Variants in RPH3A observed in about 807,000 individuals in gnomAD.
The protein encoded by RPH3A is rabphilin-3A.
In RPH3A, 48 loss-of-function variants were observed where a neutral mutation model predicts 102.2. The observed-to-expected ratio is 0.47, with a 90% CI of 0.37 to 0.60. The LOEUF (loss-of-function observed/expected upper bound fraction) is 0.60, where lower values mean the gene tolerates loss of function less well. Ranked by LOEUF, RPH3A falls within the 20% of genes least tolerant of loss-of-function variation. The pLI, the probability that RPH3A is intolerant of heterozygous loss-of-function variation, is 0.00. For synonymous variants in RPH3A, 310 were observed against 324.3 expected (o/e 0.96, Z 0.47); for missense variants, 781 against 910.1 (o/e 0.86, Z 1.83).
chr12:112,810,318 G>C (rs1434712665), intron 2 of RPH3A, among the ~76,000 whole-genome samples: 1 of 152,172 alleles, frequency 6.6e-6, no homozygotes, highest in Non-Finnish European at 1.5e-5. Flanking sequence ...CAGCCTGGCT[G>C]GGGATGAACC....
At chr12:112,662,336 A>G (rs1218977293) in intron 1 of RPH3A, among the ~76,000 whole-genome samples, 1 of 152,192 alleles carries the variant, frequency 6.6e-6, no homozygotes, top group East Asian at 1.9e-4. Flanking sequence ...AAGTTTTAGC[A>G]TGAGATACAT....
intron 1 of RPH3A, among the ~76,000 whole-genome samples, chr12:112,599,947 G>A (rs112028735): frequency 7.2e-5 from 11 of 152,264 alleles, no homozygotes; most frequent in African/African-American, 2.6e-4. Context: ...CAGCCTTCTG[G>A]AGTGCATCAC....
Position 112,732,361 on chromosome 12 carries a change from C to T in RPH3A, c.-139-59782C>T, listed in dbSNP as rs149339274. ...TCCAACACACTTGGGCTGGCATCCC[C>T]GCTCTCCATTTGCTAGCCATGTGAT... On this transcript the variant is annotated intron_variant, in intron 1 of 21. Transcript: ENST00000543106. Among the ~76,000 whole-genome samples the T allele has an allele frequency of 6.6e-5, 10 of 152,292 alleles. No homozygotes were observed. In the East Asian group the frequency reaches 1.2e-3, roughly 18 times the overall value.
rs1436388382 is a variant in RPH3A at position 112,865,532 on chromosome 12, G to A, written c.349G>A (p.Asp117Asn). 1 of 1,613,654 alleles carries A rather than the reference G, an allele frequency of 6.2e-7. No individual in the cohort carries two copies. The highest frequency in any genetic ancestry group is 8.5e-7 in the Non-Finnish European group (1 of 1,179,928). The change falls in exon 6 of 22, where the codon GAC becomes AAC. Residue 117 changes from aspartate to asparagine, a missense_variant. Asp to Asn is a conservative substitution (Grantham distance 23). This residue lies in a region of RPH3A where 730 missense variants were observed against 810.0 expected (regional missense o/e 0.90). Transcript: ENST00000389385. ...MLGSACVVCEDCKKNVCTKCG... is the reference protein window; with the variant it reads ...MLGSACVVCENCKKNVCTKCG... ...GGGCTCTGCCTGTGTAGTATGTGAG[G>A]ACTGTAAGAAGGTATCATCATCCTC...
At chr12:112,679,190 G>A (rs980612898) in intron 1 of RPH3A, among the ~76,000 whole-genome samples, 8 of 151,902 alleles carry the variant, frequency 5.3e-5, no homozygotes, top group African/African-American at 1.7e-4. Context: ...GTCTCATTCT[G>A]TTGCCCAGGC....
chr12:112,638,500 C>T (rs1275020733), intron 1 of RPH3A, among the ~76,000 whole-genome samples: 5 of 152,110 alleles, frequency 3.3e-5, no homozygotes, highest in African/African-American at 1.2e-4. Flanking sequence ...TCTAATCAAC[C>T]CTTAATCTAG....
chr12:112,789,471 C>CTGATTTT (rs1555208789), upstream of RPH3A, among the ~76,000 whole-genome samples: 1 of 152,286 alleles, frequency 6.6e-6, no homozygotes. Flanking sequence ...TGGAATCATA[C>CTGATTTT]GACACTGAGT....
At chr12:112,875,575 C>A in intron 11 of RPH3A, 104 bp from the exon 12 acceptor site, 1 of 978,454 alleles carries the variant, frequency 1.0e-6, no homozygotes, top group Non-Finnish European at 1.6e-6. Context: ...ACCTTTCTGC[C>A]TTCGGGCCTG....
At chr12:112,816,192 C>T (rs1265699582) in intron 2 of RPH3A, among the ~76,000 whole-genome samples, 5 of 152,188 alleles carry the variant, frequency 3.3e-5, no homozygotes, top group African/African-American at 4.8e-5. Context: ...CCTGGCTGCA[C>T]GTCTTCCAGC....
At chr12:112,756,112 A>G (rs2040821372) in intron 1 of RPH3A, among the ~76,000 whole-genome samples, 1 of 152,222 alleles carries the variant, frequency 6.6e-6, no homozygotes, top group Non-Finnish European at 1.5e-5. Context: ...AATGTTCCCA[A>G]CACAAAGAAA....
chr12:112,822,349 C>A (rs2041796003), intron 2 of RPH3A, among the ~76,000 whole-genome samples: 1 of 152,238 alleles, frequency 6.6e-6, no homozygotes, highest in Admixed American at 6.5e-5. Context: ...TGAAGTGCTG[C>A]ATAAAATCCC....
chr12:112,891,088 T>A (rs2043088031), intron 19 of RPH3A, 85 bp downstream of exon 19: 5 of 1,503,298 alleles, frequency 3.3e-6, no homozygotes, highest in Admixed American at 3.7e-5. Context: ...TTCACCAAGA[T>A]CGTTGTACAC....
At chr12:112,868,362 G>A (rs576432516) in intron 7 of RPH3A, 68 bp from the exon 8 acceptor site, 5 of 1,504,252 alleles carry the variant, frequency 3.3e-6, no homozygotes, top group Non-Finnish European at 3.6e-6. Context: ...ATAAAAATGG[G>A]CACTCATGAA....
In RPH3A at chr12:112,690,996, TC is replaced by T. The variant is rs376884223; in HGVS notation, c.-139-101140del. Among the ~76,000 whole-genome samples, 591 of 151,248 alleles carry T rather than the reference TC, an allele frequency of 3.9e-3. 5 individuals carry two copies. The highest frequency in any genetic ancestry group is 0.013 in the African/African-American group (533 of 41,208). On this transcript the variant is annotated intron_variant, in intron 1 of 21. Transcript: ENST00000543106. ...ATGTAGTTCACATTGTATCCTTTGA[TC>T]CCCCCCGCCCCCGCACTGAAATATC...
intron 13 of RPH3A, among the ~76,000 whole-genome samples, chr12:112,877,421 C>CACACACACACACACACACACGTAT: frequency 3.2e-5 from 1 of 30,786 alleles, no homozygotes; most frequent in African/African-American, 7.0e-5. Flanking sequence ...CACACGTATA[C>CACACACACACACACACACACGTAT]ACACACACAC....
chr12:112,852,066 T>A (rs2042332439), intron 5 of RPH3A, among the ~76,000 whole-genome samples: 1 of 152,198 alleles, frequency 6.6e-6, no homozygotes, highest in Non-Finnish European at 1.5e-5. Flanking sequence ...GGACGTGGGC[T>A]AGGTTTGCTC....
At chr12:112,599,036 C>T (rs952161897) in intron 1 of RPH3A, among the ~76,000 whole-genome samples, 33 of 152,218 alleles carry the variant, frequency 2.2e-4, no homozygotes, top group African/African-American at 6.5e-4. Context: ...CTCTTTGTTC[C>T]GCAGTGCAGC....
rs2041108437 is a variant in RPH3A, at chr12:112,791,808, G to GATTCGTCT, written c.-342_-335dup. Reference sequence around the variant, plus strand: ...AGAAACTGGCTCTGGGGAAGCAATTGATTCGTCTACTGCCAGCAGCCCGGA... The same window carrying GATTCGTCT: ...AGAAACTGGCTCTGGGGAAGCAATTGATTCGTCTATTCGTCTACTGCCAGCAGCCCGGA... On this transcript the variant is annotated 5_prime_UTR_variant, in exon 1 of 22. Coordinates refer to ENST00000389385, the MANE Select transcript of RPH3A (RefSeq NM_001143854.2). 6.7e-6 allele frequency: 1 copy of GATTCGTCT among 149,300 alleles called. No homozygotes were observed. The highest frequency in any genetic ancestry group is 6.8e-5 in the Admixed American group (1 of 14,760). 9.2% of individuals were successfully genotyped at this position (149,300 alleles called of 1,614,324 possible). A position where few individuals can be genotyped will look rare whatever the true frequency, so the allele number is the denominator to read the frequency against.
chr12:112,865,505 C>A lies in RPH3A; in HGVS notation c.322C>A (p.Leu108Met), dbSNP rs1411183854. The change falls in exon 6 of 22, where the codon CTG (leucine) becomes ATG (methionine). Residue 108 changes from leucine to methionine, a missense_variant. By Grantham distance (15) the Leu-to-Met change is conservative (BLOSUM62 2). Transcript: ENST00000389385. ...CILCGEQLGM[L>M]GSACVVCEDC... ...ACTGTGTGGAGAACAGCTGGGGATG[C>A]TGGGCTCTGCCTGTGTAGTATGTGA... The A allele has an allele frequency of 8.1e-6, 13 of 1,613,822 alleles. No homozygotes were observed. Among genetic ancestry groups the A allele is most frequent in the African/African-American group, 1.3e-5 (1 of 74,890 alleles).
Sources: gnomAD v4.1 joint callset for allele counts (sites outside exome capture counted in the v4.1 genomes callset) on GRCh38, gnomAD v4.1.1 for gene constraint, gnomAD v4.1.1 regional missense constraint, MANE v1.5 for transcripts, NCBI Gene and HGNC (gene_info 2026-07-23, HGNC 2026-07-21) for gene names.